Variants in PCSK5 observed in about 807,000 individuals in gnomAD.
The protein encoded by PCSK5 is prohormone convertase 5.
Under a neutral mutation model 233.2 loss-of-function variants are expected in PCSK5, and 129 were observed. The observed-to-expected ratio is 0.55, with a 90% CI of 0.48 to 0.64. The LOEUF is 0.64. Among genes scored for constraint, PCSK5 ranks in the 30% least tolerant of loss-of-function variants. The pLI is 0.00. For synonymous variants in PCSK5, 825 were observed against 879.2 expected, an observed-to-expected ratio of 0.94 and a Z score of 1.09; for missense variants, 2,076 against 2,430.1, an observed-to-expected ratio of 0.85 and a Z score of 3.06.
intron 5 of PCSK5, among the ~76,000 whole-genome samples, chr9:76,037,341 A>G (rs1194209531): frequency 2.0e-5 from 3 of 152,048 alleles, no homozygotes; most frequent in African/African-American, 4.8e-5. Context: ...TTCTACTTAC[A>G]TGTATTGACA....
chr9:75,900,702 C>CTTTT (rs74398159), intron 1 of PCSK5, among the ~76,000 whole-genome samples: 37 of 134,168 alleles, frequency 2.8e-4, no homozygotes, highest in Admixed American at 8.3e-4. Flanking sequence ...AAACAAACAA[C>CTTTT]TTTTTTTTTT....
intron 36 of PCSK5, 77 bp from the exon 37 acceptor site, chr9:76,353,956 T>C (rs578241329): frequency 1.5e-5 from 15 of 985,904 alleles, no homozygotes; most frequent in Non-Finnish European, 2.3e-5. Context: ...GAAGACAAGA[T>C]GAGATACAAT....
rs551962121 is a variant in PCSK5, at chr9:76,334,935, G to A, written c.4748+2325G>A. 2.0e-5 allele frequency among the ~76,000 whole-genome samples: 3 copies of A among 152,112 alleles called. No homozygotes were observed. The South Asian group carries it at 6.2e-4, about 32-fold the overall frequency. ...TCTATTAACAATACAAAAATTAGCA[G>A]GGTGTGCAGGCAGGCACCTGTGATC... On this transcript the variant is annotated intron_variant, in intron 34 of 37. Transcript: ENST00000674117.
intron 16 of PCSK5, among the ~76,000 whole-genome samples, chr9:76,184,183 A>G (rs1214979178): frequency 2.0e-5 from 3 of 152,230 alleles, no homozygotes; most frequent in Admixed American, 1.3e-4. Context: ...TTACCCTTGC[A>G]GTCTTAAATG....
At chr9:76,219,529 C>G (rs1825653444) in intron 20 of PCSK5, among the ~76,000 whole-genome samples, 1 of 152,192 alleles carries the variant, frequency 6.6e-6, no homozygotes, top group Non-Finnish European at 1.5e-5. Flanking sequence ...GGCTTTAACT[C>G]TCAGTGCACT....
In PCSK5 at chr9:76,127,498, T is replaced by G. The variant is rs529062197; in HGVS notation, c.1209-6611T>G. Among the ~76,000 whole-genome samples the G allele has an allele frequency of 2.0e-5, 3 of 152,340 alleles. No individual in the cohort carries two copies. In the South Asian group the frequency reaches 6.2e-4, roughly 32 times the overall value. On this transcript the variant is annotated intron_variant, in intron 9 of 37. Coordinates refer to ENST00000674117, the MANE Select transcript of PCSK5 (RefSeq NM_001372043.1). ...GCCAATTAAATTGCCATCTACACTATGGGGTTGTGAAAACCAGATCTTTTT... is the reference window on the plus strand; with the variant it reads ...GCCAATTAAATTGCCATCTACACTAGGGGGTTGTGAAAACCAGATCTTTTT...
intron 20 of PCSK5, among the ~76,000 whole-genome samples, chr9:76,219,269 CAGAGAA>C (rs565735883): frequency 1.2e-4 from 18 of 152,034 alleles, no homozygotes; most frequent in Non-Finnish European, 1.5e-4. Flanking sequence ...TGTGTTGATG[CAGAGAA>C]AGAGAAAGAG....
chr9:76,187,584 A>AACTC (rs1824166666), intron 17 of PCSK5, among the ~76,000 whole-genome samples: 1 of 152,068 alleles, frequency 6.6e-6, no homozygotes, highest in Admixed American at 6.6e-5. Context: ...GCTAGTCTCA[A>AACTC]ACTCCTGGCT....
chr9:75,949,687 C>G (rs566386482), intron 2 of PCSK5, among the ~76,000 whole-genome samples: 1 of 152,136 alleles, frequency 6.6e-6, no homozygotes, highest in East Asian at 1.9e-4. Context: ...ACCACCACCC[C>G]CAGCTAACTT....
chr9:76,168,168 T>C (rs929946317), intron 12 of PCSK5, among the ~76,000 whole-genome samples: 1 of 152,214 alleles, frequency 6.6e-6, no homozygotes, highest in African/African-American at 2.4e-5. Context: ...GTTTATTTAT[T>C]TGAGACAGAG....
Position 76,189,693 on chromosome 9 carries a change from G to C in PCSK5, c.2573G>C (p.Ser858Thr), listed in dbSNP as rs149365255. Residue 858 changes from serine (S) to threonine (T), a missense_variant, in exon 20 of 38, where the codon AGT becomes ACT. Coordinates refer to ENST00000674117, the MANE Select transcript of PCSK5 (RefSeq NM_001372043.1). ...PGFKNCTSCPSGYLLDLGMCQ... is the reference protein window; with the variant it reads ...PGFKNCTSCPTGYLLDLGMCQ... ...TTCAAGAACTGTACAAGCTGCCCTA[G>C]TGGGTATCTCTTAGACTTAGGAATG... The C allele has an allele frequency of 5.0e-6, 8 of 1,613,106 alleles. No homozygotes were observed. In the African/African-American group the frequency reaches 1.1e-4, roughly 22 times the overall value.
intron 1 of PCSK5, among the ~76,000 whole-genome samples, chr9:75,927,041 G>T (rs1431217526): frequency 6.6e-6 from 1 of 152,154 alleles, no homozygotes; most frequent in Non-Finnish European, 1.5e-5. Context: ...TGGCCAAATG[G>T]TTTTCCAAAG....
chr9:76,087,028 T>A (rs569947271), intron 7 of PCSK5, among the ~76,000 whole-genome samples: 2 of 152,380 alleles, frequency 1.3e-5, no homozygotes, highest in East Asian at 3.9e-4. Flanking sequence ...TCTACTATTC[T>A]TTCTCCATGT....
chr9:76,178,544 G>A (rs762643442), intron 14 of PCSK5, among the ~76,000 whole-genome samples: 1 of 152,104 alleles, frequency 6.6e-6, no homozygotes, highest in African/African-American at 2.4e-5. Context: ...CATTCCACCC[G>A]AGTTCTAACA....
intron 21 of PCSK5, among the ~76,000 whole-genome samples, chr9:76,232,474 C>A (rs1017715128): frequency 3.3e-5 from 5 of 152,122 alleles, no homozygotes; most frequent in African/African-American, 1.2e-4. Context: ...CACTGAGCAG[C>A]GGATCTCAAA....
intron 13 of PCSK5, among the ~76,000 whole-genome samples, chr9:76,173,496 C>CTTTT (rs59248860): frequency 9.8e-5 from 6 of 61,008 alleles, no homozygotes; most frequent in South Asian, 5.3e-4. Context: ...GGCACGTTTC[C>CTTTT]TTTTTTTTTT....
intron 10 of PCSK5, among the ~76,000 whole-genome samples, chr9:76,144,150 C>T (rs573168750): frequency 1.3e-5 from 2 of 152,180 alleles, no homozygotes; most frequent in South Asian, 4.2e-4. Context: ...TTTCTCGGCC[C>T]TGAAGCCAAC....
intron 1 of PCSK5, among the ~76,000 whole-genome samples, chr9:75,925,112 T>A: frequency 6.6e-6 from 1 of 152,220 alleles, no homozygotes; most frequent in East Asian, 1.9e-4. Flanking sequence ...ATGATTTTTG[T>A]TCAGTGATTT....
At chr9:75,967,651 G>T (rs1369558501) in intron 2 of PCSK5, among the ~76,000 whole-genome samples, 1 of 152,200 alleles carries the variant, frequency 6.6e-6, no homozygotes, top group Non-Finnish European at 1.5e-5. Context: ...TTGCCTGATA[G>T]AACATTTTAG....
Sources: gnomAD v4.1 joint callset for allele counts (sites outside exome capture counted in the v4.1 genomes callset) on GRCh38, gnomAD v4.1.1 for gene constraint, MANE v1.5 for transcripts, NCBI Gene and HGNC (gene_info 2026-07-23, HGNC 2026-07-21) for gene names.